The following ITPR1 variants were observed in gnomAD, a reference collection of about 807,000 sequenced individuals.
ITPR1 encodes the protein inositol 1,4,5-trisphosphate receptor type 1.
A neutral mutation model predicts 318.4 loss-of-function variants in ITPR1; 96 were observed. The ratio of observed to expected loss-of-function variants is 0.30; its 90% CI spans 0.26 to 0.36. The LOEUF (loss-of-function observed/expected upper bound fraction) is 0.36. ITPR1 is among the 10% of genes least tolerant of loss of function. The pLI, the probability that ITPR1 is intolerant of heterozygous loss-of-function variation, is 1.00. For synonymous variants in ITPR1, 1,312 were observed against 1,289.9 expected (o/e 1.02, Z -0.37); for missense variants, 2,440 against 3,460.2 (o/e 0.71, Z 7.40).
Position 4,514,133 on chromosome 3 carries a change from C to T in ITPR1, c.-16-2343C>T, listed in dbSNP as rs79761408. The stretch of plus-strand genomic sequence containing the variant: ...AGACCTGGGTTGTAACAACCCTGGT[C>T]CTCCTGCTTACTAATTTTATGTGAT... On this transcript the variant is annotated intron_variant, in intron 2 of 61. Transcript: ENST00000649015. Among the ~76,000 whole-genome samples, 687 of 151,780 alleles carry T rather than the reference C, an allele frequency of 4.5e-3. 4 individuals carry two copies. The highest frequency in any genetic ancestry group is 0.016 in the African/African-American group (653 of 41,386).
At chr3:4,674,837 C>CTTTT (rs199718709) in intron 22 of ITPR1, among the ~76,000 whole-genome samples, 1 of 143,624 alleles carries the variant, frequency 7.0e-6, no homozygotes, top group Non-Finnish European at 1.5e-5. Context: ...ATGATGAGGT[C>CTTTT]TTTTTTTTTT....
At chr3:4,666,476 A>T (rs2093948504) in intron 17 of ITPR1, among the ~76,000 whole-genome samples, 1 of 152,152 alleles carries the variant, frequency 6.6e-6, no homozygotes, top group African/African-American at 2.4e-5. Flanking sequence ...GTACATGAGG[A>T]AACAAACTAG....
intron 4 of ITPR1, among the ~76,000 whole-genome samples, chr3:4,567,651 G>T (rs2087477610): frequency 6.6e-6 from 1 of 152,018 alleles, no homozygotes; most frequent in African/African-American, 2.4e-5. Flanking sequence ...TGCCACCCAG[G>T]CTGGAGTGCA....
At chr3:4,531,574 A>C (rs1440861923) in intron 4 of ITPR1, among the ~76,000 whole-genome samples, 4 of 152,156 alleles carry the variant, frequency 2.6e-5, no homozygotes, top group Non-Finnish European at 4.4e-5. Context: ...AGCAGTCTGC[A>C]TGAGTCACCA....
At chr3:4,757,594 G>A (rs1008658552) in intron 44 of ITPR1, among the ~76,000 whole-genome samples, 1 of 152,150 alleles carries the variant, frequency 6.6e-6, no homozygotes, top group South Asian at 2.1e-4. Flanking sequence ...GGACAGGTGG[G>A]GCTTGGGTGC....
rs1459803854 is a variant in ITPR1, at chr3:4,706,500, G to A, written c.4842+149G>A. ...CGAATAGTCAAATGTTATATATGTA[G>A]GGCCAGGAGTGGGAAGTTACTTAGG... On this transcript the variant is annotated intron_variant, in intron 37 of 61. Transcript: ENST00000649015. 1.7e-5 allele frequency: 11 copies of A among 643,606 alleles called. No individual in the cohort carries two copies. The African/African-American group carries it at 2.0e-4, about 12-fold the overall frequency. 39.9% of individuals were successfully genotyped at this position (643,606 alleles called of 1,614,324 possible).
At chr3:4,703,161 C>G (rs1376803821) in intron 36 of ITPR1, among the ~76,000 whole-genome samples, 1 of 152,128 alleles carries the variant, frequency 6.6e-6, no homozygotes, top group Non-Finnish European at 1.5e-5. Flanking sequence ...GCCAGTGAGT[C>G]CTAAGTCAGA....
At chr3:4,630,667 C>T (rs1388718381) in intron 5 of ITPR1, among the ~76,000 whole-genome samples, 3 of 151,614 alleles carry the variant, frequency 2.0e-5, no homozygotes, top group African/African-American at 4.8e-5. Flanking sequence ...CCTACTGCAA[C>T]CTCCGCCTCC....
At chr3:4,639,704 C>T (rs1038684288) in intron 6 of ITPR1, among the ~76,000 whole-genome samples, 1 of 152,170 alleles carries the variant, frequency 6.6e-6, no homozygotes, top group Non-Finnish European at 1.5e-5. Flanking sequence ...CTGATCATTT[C>T]ACTCCAGACA....
intron 42 of ITPR1, 77 bp from the exon 43 acceptor site, chr3:4,733,011 C>T (rs2043032908): frequency 7.1e-7 from 1 of 1,418,268 alleles, no homozygotes; most frequent in South Asian, 1.2e-5. Context: ...ACTGAGTACC[C>T]CTGTGTGTTT....
intron 33 of ITPR1, among the ~76,000 whole-genome samples, chr3:4,695,396 C>CT (rs1375979540): frequency 1.3e-5 from 2 of 151,252 alleles, no homozygotes; most frequent in Non-Finnish European, 3.0e-5. Flanking sequence ...GTTTTTTACT[C>CT]TTTTTTATTT....
chr3:4,823,847 C>A (rs2049886419), intron 60 of ITPR1, among the ~76,000 whole-genome samples: 1 of 152,114 alleles, frequency 6.6e-6, no homozygotes, highest in African/African-American at 2.4e-5. Flanking sequence ...ATACATGTAA[C>A]ACAATTTCAT....
At chr3:4,768,967 T>G (rs920611569) in intron 46 of ITPR1, among the ~76,000 whole-genome samples, 4 of 151,730 alleles carry the variant, frequency 2.6e-5, no homozygotes, top group African/African-American at 9.7e-5. Flanking sequence ...TGGAGTACAG[T>G]GGCGTGATCT....
intron 12 of ITPR1, among the ~76,000 whole-genome samples, chr3:4,655,686 C>A (rs936266079): frequency 6.6e-6 from 1 of 152,204 alleles, no homozygotes; most frequent in Admixed American, 6.5e-5. Context: ...CAGGCTCCCT[C>A]AGAGTTCAGT....
chr3:4,686,955 C>T (rs2094405205), intron 30 of ITPR1, among the ~76,000 whole-genome samples: 1 of 152,206 alleles, frequency 6.6e-6, no homozygotes, highest in Admixed American at 6.5e-5. Context: ...ATGTAATCCC[C>T]ATTATGTTGT....
chr3:4,833,366 G>T (rs964982875), intron 60 of ITPR1, among the ~76,000 whole-genome samples: 1 of 152,166 alleles, frequency 6.6e-6, no homozygotes, highest in Non-Finnish European at 1.5e-5. Context: ...TCTTTCGAAG[G>T]CCTCATTAAT....
At chr3:4,803,708 T>C (rs964548232) in intron 54 of ITPR1, among the ~76,000 whole-genome samples, 16 of 152,256 alleles carry the variant, frequency 1.1e-4, no homozygotes, top group African/African-American at 3.6e-4. Flanking sequence ...GGCTGTCTAG[T>C]TCTTTTCTTC....
chr3:4,552,118 T>A (rs867325735), intron 4 of ITPR1, among the ~76,000 whole-genome samples: 4 of 152,346 alleles, frequency 2.6e-5, no homozygotes, highest in Middle Eastern at 3.4e-3. Context: ...CTCAAAGTGC[T>A]TTTTCTAGTC....
At chr3:4,778,185 A>G (rs1377836686) in intron 48 of ITPR1, among the ~76,000 whole-genome samples, 1 of 152,344 alleles carries the variant, frequency 6.6e-6, no homozygotes, top group East Asian at 1.9e-4. Flanking sequence ...TAGGGGTTCC[A>G]TAGGTTCTCT....
Sources: allele counts gnomAD v4.1 joint callset (sites outside exome capture counted in the v4.1 genomes callset), GRCh38; gene constraint gnomAD v4.1.1; transcripts MANE v1.5; gene names NCBI Gene and HGNC (gene_info 2026-07-23, HGNC 2026-07-21).